Variants in PATJ observed in about 807,000 individuals in gnomAD.
PATJ encodes the protein PATJ crumbs cell polarity complex component.
In PATJ, 190 loss-of-function variants were observed where a neutral mutation model predicts 224.9. The ratio of observed to expected loss-of-function variants is 0.84; its 90% CI spans 0.75 to 0.95. The LOEUF is 0.95. Among genes scored for constraint, PATJ ranks in the 40% least tolerant of loss-of-function variants. The pLI is 0.00. For missense variants in PATJ, 2,121 were observed against 2,270.3 expected (o/e 0.93, Z 1.34); for synonymous variants, 769 against 820.3 (o/e 0.94, Z 1.07).
chr1:61,798,999 C>T (rs890329961), intron 11 of PATJ, among the ~76,000 whole-genome samples: 8 of 151,996 alleles, frequency 5.3e-5, no homozygotes, highest in African/African-American at 1.5e-4. Flanking sequence ...AGATACAATA[C>T]ACCTGGAAGC....
At chr1:61,795,410 G>T in intron 9 of PATJ, 57 bp from the exon 10 acceptor site, 1 of 938,358 alleles carries the variant, frequency 1.1e-6, no homozygotes, top group Non-Finnish European at 1.6e-6. Context: ...TACAAATTTT[G>T]CAATCAAGGC....
At chr1:62,077,719 A>G (rs1200493016) in intron 31 of PATJ, among the ~76,000 whole-genome samples, 2 of 151,860 alleles carry the variant, frequency 1.3e-5, no homozygotes, top group Non-Finnish European at 2.9e-5. Flanking sequence ...GGTGATAGAA[A>G]AACTGCAGGA....
chr1:62,090,244 G>A (rs1457429496), intron 33 of PATJ, among the ~76,000 whole-genome samples: 1 of 152,176 alleles, frequency 6.6e-6, no homozygotes, highest in Non-Finnish European at 1.5e-5. Flanking sequence ...ACTTCTGCCT[G>A]TTGTTTTAAT....
chr1:62,153,259 G>A, intron 42 of PATJ, 99 bp from the exon 43 acceptor site: 1 of 896,408 alleles, frequency 1.1e-6, no homozygotes, highest in South Asian at 5.9e-5. Flanking sequence ...TCATAGTTTT[G>A]CAGTATGAAA....
chr1:62,051,182 A>G (rs2148589019), intron 31 of PATJ, 124 bp downstream of exon 31: 1 of 719,230 alleles, frequency 1.4e-6, no homozygotes, highest in Non-Finnish European at 2.4e-6. Context: ...TCTGTGAGAC[A>G]AGAAGCTATT....
intron 18 of PATJ, among the ~76,000 whole-genome samples, chr1:61,857,524 T>C (rs150764455): frequency 7.9e-4 from 120 of 152,358 alleles, no homozygotes; most frequent in African/African-American, 2.8e-3. Flanking sequence ...GCCTAGTTTG[T>C]ATGCAGCATG....
At chr1:61,848,972 G>C (rs561922920) in intron 17 of PATJ, among the ~76,000 whole-genome samples, 16 of 152,198 alleles carry the variant, frequency 1.1e-4, no homozygotes, top group Non-Finnish European at 2.2e-4. Context: ...AACTATTCAT[G>C]TTGTCCAGAA....
Position 62,018,545 on chromosome 1 carries a change from AG to A in PATJ, c.3959+600del, listed in dbSNP as rs1404244596. 1.3e-5 allele frequency among the ~76,000 whole-genome samples: 2 copies of A among 152,166 alleles called. No individual in the cohort carries two copies. Among genetic ancestry groups the A allele is most frequent in the Non-Finnish European group, 2.9e-5 (2 of 68,034 alleles). On this transcript the variant is annotated intron_variant, in intron 29 of 43. Transcript: ENST00000642238. The surrounding 1 kb of genome is among the most constrained non-coding windows in gnomAD (Gnocchi z 4.2). Reference sequence around the variant, plus strand: ...CATTGCCACATTAGCAATAGAAATGAGGTTGTTTGATTCTCTTTACTGGACT... The same window carrying A: ...CATTGCCACATTAGCAATAGAAATGAGTTGTTTGATTCTCTTTACTGGACT...
chr1:61,863,457 G>A (rs903652467), intron 19 of PATJ, among the ~76,000 whole-genome samples: 1 of 152,092 alleles, frequency 6.6e-6, no homozygotes, highest in South Asian at 2.1e-4. Flanking sequence ...ACTTAAAATA[G>A]GAAAGATCTT....
intron 43 of PATJ, among the ~76,000 whole-genome samples, chr1:62,159,472 A>G (rs935801732): frequency 2.0e-5 from 3 of 152,084 alleles, no homozygotes; most frequent in Non-Finnish European, 4.4e-5. Flanking sequence ...GATTACAGGC[A>G]TGAGCCACCA....
chr1:62,151,233 A>G (rs1321021405), intron 42 of PATJ, among the ~76,000 whole-genome samples: 2 of 152,226 alleles, frequency 1.3e-5, no homozygotes, highest in Non-Finnish European at 2.9e-5. Flanking sequence ...TGCTGTAAAC[A>G]AACAGTAAGT....
chr1:62,156,597 TA>T (rs986072748), intron 43 of PATJ, among the ~76,000 whole-genome samples: 13 of 151,710 alleles, frequency 8.6e-5, no homozygotes, highest in Non-Finnish European at 1.5e-5. Context: ...GGATTTATTA[TA>T]AGATTTACTT....
At chr1:62,119,747 C>G (rs186931010) in intron 37 of PATJ, among the ~76,000 whole-genome samples, 21 of 152,254 alleles carry the variant, frequency 1.4e-4, no homozygotes, top group Admixed American at 4.6e-4. Flanking sequence ...CAAGACCAGC[C>G]TGGCCAAAGA....
chr1:61,875,419 CA>C lies in PATJ; in HGVS notation c.2959+54del, dbSNP rs1422978824. 5.4e-6 allele frequency: 8 copies of C among 1,475,366 alleles called. No homozygotes were observed. In the African/African-American group the frequency reaches 1.1e-4, roughly 21 times the overall value. 91.4% of individuals were successfully genotyped at this position (1,475,366 alleles called of 1,614,324 possible). A position where few individuals can be genotyped will look rare whatever the true frequency, so the allele number is the denominator to read the frequency against. On this transcript the variant is annotated intron_variant, in intron 21 of 43. Transcript: ENST00000642238. ...CAAATTACATTATTTTGCAAGCTTT[CA>C]GTTTTATGTTTGTATACATGAATTT...
At position 62,018,711 on chromosome 1, in the gene PATJ, G is replaced by A. The variant is rs79375445; in HGVS notation, c.3959+764G>A. ...ATAAAGCATCTCCCTCATTCATTGTGATATTTCAGAAATTGAAAATGCTCA... is the reference window on the plus strand; with the variant it reads ...ATAAAGCATCTCCCTCATTCATTGTAATATTTCAGAAATTGAAAATGCTCA... On this transcript the variant is annotated intron_variant, in intron 29 of 43. Transcript: ENST00000642238. The surrounding 1 kb of genome is among the most constrained non-coding windows in gnomAD (Gnocchi z 4.2). Among the ~76,000 whole-genome samples the A allele has an allele frequency of 0.022, 3,316 of 152,216 alleles. 117 individuals carry two copies. The highest frequency in any genetic ancestry group is 0.076 in the African/African-American group (3,135 of 41,520).
At chr1:62,137,217 G>C (rs1667001649) in intron 41 of PATJ, among the ~76,000 whole-genome samples, 2 of 151,394 alleles carry the variant, frequency 1.3e-5, no homozygotes, top group African/African-American at 4.9e-5. Context: ...ATGCAACATG[G>C]AGGCAAAGCA....
intron 30 of PATJ, among the ~76,000 whole-genome samples, chr1:62,045,508 T>C: frequency 6.6e-6 from 1 of 152,094 alleles, no homozygotes; most frequent in Admixed American, 6.5e-5. Flanking sequence ...TCAGTAGGGG[T>C]TGATCTGCAA....
intron 33 of PATJ, among the ~76,000 whole-genome samples, chr1:62,102,474 C>T (rs546501996): frequency 6.6e-6 from 1 of 151,968 alleles, no homozygotes; most frequent in East Asian, 1.9e-4. Context: ...TTGTATTTGT[C>T]TTAGAAAAAA....
At chr1:61,752,796 A>G (rs1313275395) in intron 1 of PATJ, among the ~76,000 whole-genome samples, 1 of 152,118 alleles carries the variant, frequency 6.6e-6, no homozygotes, top group African/African-American at 2.4e-5. Context: ...ATATCTGCAA[A>G]CTGTCAGGAT....
Sources: gnomAD v4.1 joint callset for allele counts (sites outside exome capture counted in the v4.1 genomes callset) on GRCh38, gnomAD v4.1.1 for gene constraint, Gnocchi (gnomAD v3.1) non-coding constraint, MANE v1.5 for transcripts, NCBI Gene and HGNC (gene_info 2026-07-23, HGNC 2026-07-21) for gene names.